Variants in SREBF2 observed in about 807,000 individuals in gnomAD.
SREBF2 encodes sterol regulatory element binding transcription factor 2, also known as sterol regulatory element-binding protein 2.
A neutral mutation model predicts 113.1 loss-of-function variants in SREBF2; 55 were observed. The observed-to-expected ratio is 0.49, with a 90% CI of 0.39 to 0.61. The LOEUF (loss-of-function observed/expected upper bound fraction) is 0.61, where lower values mean the gene tolerates loss of function less well. Ranked by LOEUF, SREBF2 falls within the 20% of genes least tolerant of loss-of-function variation. The pLI is 0.00. For synonymous variants in SREBF2, 593 were observed against 605.7 expected, an observed-to-expected ratio of 0.98 and a Z score of 0.31; for missense variants, 1,349 against 1,487.4, an observed-to-expected ratio of 0.91 and a Z score of 1.53.
chr22:41,901,584 C>A (rs1283327589), intron 16 of SREBF2, among the ~76,000 whole-genome samples: 2 of 152,140 alleles, frequency 1.3e-5, no homozygotes, highest in Non-Finnish European at 2.9e-5. Context: ...TCACTTGAAC[C>A]CAGGAGGTAG....
chr22:41,899,322 G>A, intron 15 of SREBF2: 2 of 1,025,118 alleles, frequency 2.0e-6, no homozygotes, highest in Non-Finnish European at 1.2e-6. Flanking sequence ...GAGAGCTTTT[G>A]ACATTCCTCT....
chr22:41,885,042 C>G, intron 11 of SREBF2, 31 bp downstream of exon 11: 1 of 1,612,600 alleles, frequency 6.2e-7, no homozygotes, highest in South Asian at 1.1e-5. Context: ...TTCTGTAAAC[C>G]TCCCCTGAGC....
chr22:41,892,733 A>G (rs2077376428), intron 11 of SREBF2, among the ~76,000 whole-genome samples: 1 of 151,672 alleles, frequency 6.6e-6, no homozygotes, highest in Non-Finnish European at 1.5e-5. Context: ...GGCCGAGGGG[A>G]AAGTACAGCA....
At position 41,866,910 on chromosome 22, in the gene SREBF2, C is replaced by A. The variant is rs1569388038; in HGVS notation, c.168C>A (p.Gly56=). The A allele has an allele frequency of 6.2e-7, 1 of 1,614,230 alleles. No homozygotes were observed. The highest frequency in any genetic ancestry group is 8.5e-7 in the Non-Finnish European group (1 of 1,180,048). Residue 56 remains glycine, a synonymous_variant, in exon 2 of 19, where the codon GGC becomes GGA. Coordinates refer to ENST00000361204, the MANE Select transcript of SREBF2 (RefSeq NM_004599.4). ...AACAGCTGTGTAGCTCCTTTCCTGG[C>A]AGTGGTGGTAGTGGTAGCAGCAGCG... is the stretch of plus-strand genomic sequence containing the variant. The part of the protein sequence containing the change: ...FSEQLCSSFP[G]SGGSGSSSGS...
At position 41,848,573 on chromosome 22, in the gene SREBF2, G is replaced by A. The variant is rs117598622; in HGVS notation, c.88+15215G>A. 5.2e-3 allele frequency among the ~76,000 whole-genome samples: 789 copies of A among 152,298 alleles called. 1 individual carries two copies. Among genetic ancestry groups the A allele is most frequent in the Non-Finnish European group, 8.3e-3 (562 of 68,020 alleles). On this transcript the variant is annotated intron_variant, in intron 1 of 18. Coordinates refer to ENST00000361204, the MANE Select transcript of SREBF2 (RefSeq NM_004599.4). ...CGGGACTCTGGTTGATTGCAGCATC[G>A]TAGAGCCTAACTGCTGGGAGGTGGG...
At chr22:41,900,827 C>T in intron 16 of SREBF2, 3 of 508,668 alleles carry the variant, frequency 5.9e-6, no homozygotes, top group South Asian at 1.6e-5. Context: ...GTTTGCGTGA[C>T]TTCCCAGGCC....
At chr22:41,834,345 TCA>T (rs10608168) in intron 1 of SREBF2, 96,192 of 152,282 alleles carry the variant, frequency 0.63, 31,260 homozygotes, top group African/African-American at 0.78. Context: ...CACTTCTTCC[TCA>T]CAACAATCCT....
intron 8 of SREBF2, 39 bp downstream of exon 8, chr22:41,877,460 A>G: frequency 6.2e-7 from 1 of 1,607,708 alleles, no homozygotes. Flanking sequence ...GCATGGCTGG[A>G]CCACTATGGC....
At chr22:41,851,895 T>C (rs1456359366) in intron 1 of SREBF2, among the ~76,000 whole-genome samples, 2 of 148,322 alleles carry the variant, frequency 1.3e-5, no homozygotes, top group Non-Finnish European at 3.0e-5. Flanking sequence ...CCAAGGGGGG[T>C]GGATCACAAG....
At chr22:41,861,334 T>A in intron 1 of SREBF2, among the ~76,000 whole-genome samples, 1 of 151,920 alleles carries the variant, frequency 6.6e-6, no homozygotes, top group East Asian at 1.9e-4. Context: ...ATACAAAAAT[T>A]AGCTGGGCAT....
intron 1 of SREBF2, among the ~76,000 whole-genome samples, chr22:41,848,926 T>A (rs2076902432): frequency 6.6e-6 from 1 of 152,054 alleles, no homozygotes; most frequent in Non-Finnish European, 1.5e-5. Flanking sequence ...ATTTTGAAGA[T>A]TATATAACAC....
At chr22:41,869,463 G>T (rs1235710120) in intron 3 of SREBF2, among the ~76,000 whole-genome samples, 1 of 149,138 alleles carries the variant, frequency 6.7e-6, no homozygotes, top group Non-Finnish European at 1.5e-5. Flanking sequence ...GGGGAGGGGG[G>T]GCATGTATTA....
intron 13 of SREBF2, among the ~76,000 whole-genome samples, chr22:41,896,130 G>A (rs1470221410): frequency 6.7e-6 from 1 of 149,700 alleles, no homozygotes; most frequent in Admixed American, 6.7e-5. Flanking sequence ...GACAGAGCTA[G>A]ACTCTGTCTC....
At chr22:41,878,561 T>C in intron 9 of SREBF2, 1 of 770,740 alleles carries the variant, frequency 1.3e-6, no homozygotes, top group Non-Finnish European at 1.9e-6. Flanking sequence ...GGGCTTTCAC[T>C]AGGAACTGAT....
chr22:41,837,939 G>A (rs1285394809), intron 1 of SREBF2, among the ~76,000 whole-genome samples: 2 of 151,960 alleles, frequency 1.3e-5, no homozygotes, highest in Admixed American at 6.6e-5. Flanking sequence ...AGTACTATAG[G>A]CACCCAATAA....
At chr22:41,899,055 C>T (rs368208767) in intron 15 of SREBF2, 12 of 599,898 alleles carry the variant, frequency 2.0e-5, no homozygotes, top group Admixed American at 9.6e-5. Flanking sequence ...GCCTTCATGG[C>T]GCCACAGGCT....
intron 7 of SREBF2, 28 bp downstream of exon 7, chr22:41,875,752 C>T (rs746446750): frequency 2.5e-6 from 4 of 1,612,874 alleles, no homozygotes; most frequent in Non-Finnish European, 3.4e-6. Flanking sequence ...CTCCTGATCC[C>T]TGGAATCTTT....
At position 41,875,753 on chromosome 22, in the gene SREBF2, T is replaced by C. The variant is rs372068652; in HGVS notation, c.1386+29T>C. The C allele has an allele frequency of 9.9e-6, 16 of 1,612,494 alleles. No individual in the cohort carries two copies. In the African/African-American group the frequency reaches 2.1e-4, roughly 22 times the overall value. On this transcript the variant is annotated intron_variant, in intron 7 of 18. Transcript: ENST00000361204. ...CAGACTTTTGAAATCTCCTGATCCC[T>C]GGAATCTTTCCCATTTCCCCTAAGA...
In SREBF2 at chr22:41,873,880, C is replaced by G; in HGVS notation, c.950C>G (p.Pro317Arg). ...GAGAAAGTGCCCATTAAGCAGGTAC[C>G]TGGGGGAGTCAAGCAGCTTGAGCCC... is the stretch of plus-strand genomic sequence containing the variant. ...GQEKVPIKQVPGGVKQLEPPK... is the reference protein window; with the variant it reads ...GQEKVPIKQVRGGVKQLEPPK... The change falls in exon 5 of 19, where the codon CCT (proline) becomes CGT (arginine). Residue 317 changes from proline (P) to arginine (R), a missense_variant. Physicochemically the swap from Pro to Arg is moderately radical, Grantham distance 103. This residue lies in a region of SREBF2 where 699 missense variants were observed against 843.3 expected (regional missense o/e 0.83). Transcript: ENST00000361204. The G allele has an allele frequency of 6.2e-7, 1 of 1,614,002 alleles. No homozygotes were observed. The highest frequency in any genetic ancestry group is 8.5e-7 in the Non-Finnish European group (1 of 1,179,976).
Sources: allele counts gnomAD v4.1 joint callset (sites outside exome capture counted in the v4.1 genomes callset), GRCh38; gene constraint gnomAD v4.1.1; regional missense constraint gnomAD v4.1.1; transcripts MANE v1.5; gene names NCBI Gene and HGNC (gene_info 2026-07-23, HGNC 2026-07-21).